TRAM2: variants seen among roughly 807,000 people sequenced by gnomAD.
The protein encoded by TRAM2 is translocating chain-associated membrane protein 2.
In TRAM2, 12 loss-of-function variants were observed where a neutral mutation model predicts 51.0. The observed-to-expected ratio is 0.24, with a 90% CI of 0.15 to 0.38. TRAM2 has a LOEUF of 0.38. Among genes scored for constraint, TRAM2 ranks in the 10% least tolerant of loss-of-function variants. The pLI, the probability that TRAM2 is intolerant of heterozygous loss-of-function variation, is 1.00. For synonymous variants in TRAM2, 175 were observed against 179.4 expected, an observed-to-expected ratio of 0.98 and a Z score of 0.20; for missense variants, 361 against 462.0, an observed-to-expected ratio of 0.78 and a Z score of 2.00.
rs1012693425 is a variant in TRAM2, at chr6:52,498,378, A to T, written c.*4819T>A. The stretch of plus-strand genomic sequence containing the variant: ...ACAGTTCTGCAACAGTCAGACATGT[A>T]TGTGTTTATGTGTTAGCACTTGGAG... On this transcript the variant is annotated 3_prime_UTR_variant, in exon 11 of 11. Transcript: ENST00000182527. 3 of 152,564 alleles carry T rather than the reference A, an allele frequency of 2.0e-5. No homozygotes were observed. The highest frequency in any genetic ancestry group is 7.2e-5 in the African/African-American group (3 of 41,452). 9.5% of individuals were successfully genotyped at this position (152,564 alleles called of 1,614,324 possible).
At chr6:52,539,010 T>C (rs556299401) in intron 1 of TRAM2, among the ~76,000 whole-genome samples, 3 of 152,344 alleles carry the variant, frequency 2.0e-5, no homozygotes, top group Non-Finnish European at 2.9e-5. Flanking sequence ...ATTTAACATA[T>C]ATTGTTGATT....
At chr6:52,524,781 G>A (rs1398602672) in intron 2 of TRAM2, 4 of 151,786 alleles carry the variant, frequency 2.6e-5, no homozygotes, top group Admixed American at 1.3e-4. Flanking sequence ...TAGGGAGCGA[G>A]AATGGGCATG....
rs1388102445 is a variant in TRAM2, at chr6:52,503,110, AG to A, written c.*86del. 9.0e-7 allele frequency: 1 copy of A among 1,114,168 alleles called. No individual in the cohort carries two copies. The highest frequency in any genetic ancestry group is 2.3e-5 in the East Asian group (1 of 42,610). 69.0% of individuals were successfully genotyped at this position (1,114,168 alleles called of 1,614,324 possible). On this transcript the variant is annotated 3_prime_UTR_variant, in exon 11 of 11. Coordinates refer to ENST00000182527, the MANE Select transcript of TRAM2 (RefSeq NM_012288.4). ...CTGTTTGAGACGGAGCATCACAGGC[AG>A]GAAGGAGGAGGCAGGGAGGGGGCCT...
At chr6:52,511,170 C>A (rs1038928698) in intron 4 of TRAM2, among the ~76,000 whole-genome samples, 1 of 152,214 alleles carries the variant, frequency 6.6e-6, no homozygotes, top group Non-Finnish European at 1.5e-5. Context: ...ATGGCACGAT[C>A]TCAGCTCACT....
chr6:52,552,240 C>T (rs960525974), intron 1 of TRAM2, among the ~76,000 whole-genome samples: 2 of 152,190 alleles, frequency 1.3e-5, no homozygotes, highest in Non-Finnish European at 2.9e-5. Context: ...CCAGGGGGCA[C>T]GGATGCAGAG....
intron 1 of TRAM2, among the ~76,000 whole-genome samples, chr6:52,546,222 C>T (rs1581695246): frequency 6.6e-6 from 1 of 152,270 alleles, no homozygotes; most frequent in Middle Eastern, 3.4e-3. Context: ...AAATGTGACT[C>T]CCTGGGAAAA....
intron 2 of TRAM2, among the ~76,000 whole-genome samples, chr6:52,531,119 G>GAAAAA (rs1766882562): frequency 6.2e-5 from 1 of 16,152 alleles, no homozygotes; most frequent in East Asian, 2.3e-3. Flanking sequence ...CCCTGGTTAT[G>GAAAAA]CAAAAAAAAA....
At position 52,498,029 on chromosome 6, in the gene TRAM2, CTCT is replaced by C. The variant is rs1040043177; in HGVS notation, c.*5165_*5167del. ...GCCCCATCGTGAGAATGGTTTTTTC[CTCT>C]TCAACACATTTTTTAAAAATAGACC... is the stretch of plus-strand genomic sequence containing the variant. On this transcript the variant is annotated 3_prime_UTR_variant, in exon 11 of 11. Transcript: ENST00000182527. 2 of 152,154 alleles carry C rather than the reference CTCT, an allele frequency of 1.3e-5. No homozygotes were observed. Among genetic ancestry groups the C allele is most frequent in the Non-Finnish European group, 2.9e-5 (2 of 68,020 alleles). The allele number at this position is 152,154 out of a possible 1,614,324, so 9.4% of individuals were successfully genotyped here. A position where few individuals can be genotyped will look rare whatever the true frequency, so the allele number is the denominator to read the frequency against.
At chr6:52,543,899 C>G (rs1411128218) in intron 1 of TRAM2, among the ~76,000 whole-genome samples, 3 of 152,140 alleles carry the variant, frequency 2.0e-5, no homozygotes, top group African/African-American at 7.2e-5. Context: ...GTAGCTGGAC[C>G]AGGCAGGACC....
intron 1 of TRAM2, among the ~76,000 whole-genome samples, chr6:52,538,934 T>C (rs1232884525): frequency 6.6e-6 from 1 of 152,212 alleles, no homozygotes. Flanking sequence ...AAGCCTCTGG[T>C]CCCATTTTTG....
chr6:52,565,340 C>T (rs1171312336), intron 1 of TRAM2, among the ~76,000 whole-genome samples: 1 of 152,080 alleles, frequency 6.6e-6, no homozygotes, highest in African/African-American at 2.4e-5. Context: ...GACCTGGGGG[C>T]AATTCAGGAG....
At chr6:52,505,807 C>A in intron 8 of TRAM2, 65 bp from the exon 9 acceptor site, 5 of 1,541,378 alleles carry the variant, frequency 3.2e-6, no homozygotes, top group Non-Finnish European at 4.4e-6. Flanking sequence ...TCACCCACTT[C>A]TCCAGAAGAG....
intron 10 of TRAM2, among the ~76,000 whole-genome samples, chr6:52,504,359 C>T (rs1766300766): frequency 6.6e-6 from 1 of 152,178 alleles, no homozygotes; most frequent in South Asian, 2.1e-4. Flanking sequence ...CCGTGGTGGC[C>T]AGGGCTCCCA....
chr6:52,544,156 G>A (rs866072665), intron 1 of TRAM2, among the ~76,000 whole-genome samples: 1 of 152,326 alleles, frequency 6.6e-6, no homozygotes, highest in East Asian at 1.9e-4. Flanking sequence ...AACCAGGCCC[G>A]TCAGCAGGGC....
intron 10 of TRAM2, 133 bp downstream of exon 10, chr6:52,504,457 AG>A: frequency 6.8e-7 from 1 of 1,464,362 alleles, no homozygotes; most frequent in South Asian, 1.4e-5. Context: ...CCCAGCCCTG[AG>A]GTAAGAGTCA....
intron 4 of TRAM2, among the ~76,000 whole-genome samples, chr6:52,512,955 G>A (rs1000769895): frequency 1.4e-4 from 22 of 152,260 alleles, no homozygotes; most frequent in African/African-American, 5.3e-4. Flanking sequence ...TGGATTTTAG[G>A]TTCTAAAAGA....
chr6:52,509,049 A>C (rs1766401901), intron 5 of TRAM2, among the ~76,000 whole-genome samples: 2 of 151,982 alleles, frequency 1.3e-5, no homozygotes, highest in Admixed American at 1.3e-4. Flanking sequence ...AAAAGACAAA[A>C]AACAAAGATC....
At position 52,507,555 on chromosome 6, in the gene TRAM2, T is replaced by G; in HGVS notation, c.624A>C (p.Leu208Phe). 1 of 1,614,104 alleles carries G rather than the reference T, an allele frequency of 6.2e-7. No homozygotes were observed. The highest frequency in any genetic ancestry group is 8.5e-7 in the Non-Finnish European group (1 of 1,179,996). ...YLVHIAGAYL[L>F]NLSRLGLILL... ...GCTGGCTCCATGGTCTCACTCACTT[T>G]AAGAGGTATGCTCCAGCTATATGCA... The change falls in exon 7 of 11, where the codon TTA becomes TTC. Residue 208 changes from leucine to phenylalanine, a missense_variant and splice_region_variant. Leu to Phe is a conservative substitution (Grantham distance 22). Transcript: ENST00000182527.
intron 2 of TRAM2, among the ~76,000 whole-genome samples, chr6:52,525,358 C>T (rs1223205709): frequency 6.6e-6 from 1 of 152,214 alleles, no homozygotes; most frequent in Non-Finnish European, 1.5e-5. Context: ...AGCATTGTCC[C>T]CACTCTCCAG....
Sources: allele counts gnomAD v4.1 joint callset (sites outside exome capture counted in the v4.1 genomes callset), GRCh38; gene constraint gnomAD v4.1.1; transcripts MANE v1.5; gene names NCBI Gene and HGNC (gene_info 2026-07-23, HGNC 2026-07-21).